Variants in TAMM41 observed in about 807,000 individuals in gnomAD.
TAMM41 encodes the protein phosphatidate cytidylyltransferase, mitochondrial.
In TAMM41, 36 loss-of-function variants were observed where a neutral mutation model predicts 44.1. The observed-to-expected ratio is 0.82, with a 90% CI of 0.63 to 1.08. TAMM41 has a LOEUF of 1.08. Among genes scored for constraint, TAMM41 ranks in the 50% least tolerant of loss-of-function variants. TAMM41 has a pLI of 0.00. For synonymous variants in TAMM41, 164 were observed against 153.1 expected (o/e 1.07, Z -0.53); for missense variants, 417 against 404.3 (o/e 1.03, Z -0.27).
chr3:11,757,740 T>G, the TAMM41 span, among the ~76,000 whole-genome samples: 163 of 152,346 alleles, frequency 1.1e-3, 1 homozygote, highest in African/African-American at 3.8e-3. Context: ...TTAGAAGCAA[T>G]TCTGTGTCAC....
At chr3:11,816,926 T>G (rs6774271) in intron 5 of TAMM41, among the ~76,000 whole-genome samples, 21,129 of 152,174 alleles carry the variant, frequency 0.14, 3,243 homozygotes, top group East Asian at 0.48. Context: ...GGTAATAATT[T>G]CCAATGGCAA....
chr3:11,742,003 C>T, the TAMM41 span, among the ~76,000 whole-genome samples: 3 of 150,150 alleles, frequency 2.0e-5, no homozygotes, highest in East Asian at 1.9e-4. Context: ...GAACAGCAAT[C>T]GGTTTAAAGG....
chr3:11,747,871 T>TTATG, the TAMM41 span, among the ~76,000 whole-genome samples: 2 of 38,518 alleles, frequency 5.2e-5, no homozygotes, highest in Non-Finnish European at 9.2e-5. Context: ...TATTTACTAT[T>TTATG]TATTTATTTA....
At chr3:11,781,332 G>T in the TAMM41 span, among the ~76,000 whole-genome samples, 2 of 152,168 alleles carry the variant, frequency 1.3e-5, no homozygotes, top group African/African-American at 4.8e-5. Flanking sequence ...CAGACGTTTT[G>T]TTCTTCCTGA....
chr3:11,795,003 G>C lies in TAMM41; in HGVS notation c.938-4422C>G, dbSNP rs921584018. Among the ~76,000 whole-genome samples the C allele has an allele frequency of 6.6e-5, 10 of 152,182 alleles. No individual in the cohort carries two copies. The East Asian group carries it at 1.9e-3, about 29-fold the overall frequency. ...TAAGCAAATCAGCAACAGAGCACCA[G>C]TGTTCTTCTAATTTAAATATATAGA... On this transcript the variant is annotated intron_variant, in intron 7 of 7. Coordinates refer to ENST00000455809, the MANE Select transcript of TAMM41 (RefSeq NM_001284401.2).
At chr3:11,729,008 C>CA in the TAMM41 span, among the ~76,000 whole-genome samples, 304 of 116,066 alleles carry the variant, frequency 2.6e-3, 2 homozygotes, top group African/African-American at 5.8e-3. Flanking sequence ...GACTCTGTCT[C>CA]AAAAAAAAAA....
chr3:11,799,231 G>C (rs1001108210), intron 7 of TAMM41, among the ~76,000 whole-genome samples: 4 of 151,728 alleles, frequency 2.6e-5, no homozygotes, highest in Admixed American at 2.0e-4. Context: ...TTGCACTCTG[G>C]CCTGAGCTAG....
At chr3:11,819,815 C>T (rs2078440985) in intron 4 of TAMM41, among the ~76,000 whole-genome samples, 1 of 151,908 alleles carries the variant, frequency 6.6e-6, no homozygotes, top group Non-Finnish European at 1.5e-5. Context: ...TATAAAAATG[C>T]TTATTTTTGC....
At chr3:11,773,905 A>G in the TAMM41 span, among the ~76,000 whole-genome samples, 28 of 152,176 alleles carry the variant, frequency 1.8e-4, no homozygotes, top group Admixed American at 1.8e-3. Context: ...CCTGGCCAAC[A>G]TGGCGAAACC....
At chr3:11,724,355 G>C in the TAMM41 span, among the ~76,000 whole-genome samples, 1 of 151,452 alleles carries the variant, frequency 6.6e-6, no homozygotes, top group Non-Finnish European at 1.5e-5. Flanking sequence ...AACCTGCCTC[G>C]GGCTCCCAAA....
intron 2 of TAMM41, among the ~76,000 whole-genome samples, chr3:11,841,118 T>C (rs989884296): frequency 1.4e-5 from 2 of 143,848 alleles, no homozygotes; most frequent in African/African-American, 5.3e-5. Context: ...AGTCTTACTC[T>C]GTTGCCCATG....
the TAMM41 span, among the ~76,000 whole-genome samples, chr3:11,775,360 G>C: frequency 2.0e-5 from 3 of 152,002 alleles, no homozygotes; most frequent in Non-Finnish European, 4.4e-5. Flanking sequence ...CACATTCCCC[G>C]CCACCACCCT....
In TAMM41 at chr3:11,793,506, T is replaced by G. The variant is rs539504024; in HGVS notation, c.938-2925A>C. Among the ~76,000 whole-genome samples, 6 of 152,310 alleles carry G rather than the reference T, an allele frequency of 3.9e-5. 1 individual carries two copies. The highest frequency in any genetic ancestry group is 2.1e-4 in the South Asian group (1 of 4,834). On this transcript the variant is annotated intron_variant, in intron 7 of 7. Coordinates refer to ENST00000455809, the MANE Select transcript of TAMM41 (RefSeq NM_001284401.2). ...CCCCTCAGTACATACCTGACAGGAA[T>G]GCATACACCCACCCACCAAAAGACA...
At chr3:11,783,783 C>T in the TAMM41 span, among the ~76,000 whole-genome samples, 2 of 152,176 alleles carry the variant, frequency 1.3e-5, no homozygotes, top group East Asian at 1.9e-4. Flanking sequence ...GCACTGAGAC[C>T]GGATTCAGAC....
intron 2 of TAMM41, among the ~76,000 whole-genome samples, chr3:11,840,426 G>T (rs1376723466): frequency 6.6e-6 from 1 of 151,884 alleles, no homozygotes; most frequent in Non-Finnish European, 1.5e-5. Flanking sequence ...GTACAGACAG[G>T]ATTTCATCCT....
the TAMM41 span, among the ~76,000 whole-genome samples, chr3:11,776,080 C>T: frequency 6.8e-6 from 1 of 148,090 alleles, no homozygotes; most frequent in Admixed American, 6.8e-5. Context: ...GTGGCCTGAT[C>T]TTGGCTCACT....
the TAMM41 span, among the ~76,000 whole-genome samples, chr3:11,751,540 C>A: frequency 3.3e-5 from 5 of 152,156 alleles, no homozygotes; most frequent in Admixed American, 2.0e-4. Context: ...GCCTACCGAA[C>A]CTCATGGTTG....
intron 4 of TAMM41, among the ~76,000 whole-genome samples, chr3:11,824,983 G>A (rs915905419): frequency 2.0e-5 from 3 of 152,106 alleles, no homozygotes; most frequent in Non-Finnish European, 4.4e-5. Context: ...GGGGAGGGGA[G>A]GTGTGACCCA....
the TAMM41 span, among the ~76,000 whole-genome samples, chr3:11,730,362 G>C: frequency 1.3e-5 from 2 of 149,124 alleles, no homozygotes; most frequent in Admixed American, 1.3e-4. Context: ...AGGATGCAGT[G>C]AGCCAAGATC....
Sources: gnomAD v4.1 joint callset for allele counts (sites outside exome capture counted in the v4.1 genomes callset) on GRCh38, gnomAD v4.1.1 for gene constraint, MANE v1.5 for transcripts, NCBI Gene and HGNC (gene_info 2026-07-23, HGNC 2026-07-21) for gene names.